Variants in VIPAS39 observed in about 807,000 individuals in gnomAD.
The protein encoded by VIPAS39 is spermatogenesis-defective protein 39 homolog.
VIPAS39 carries 63 observed loss-of-function variants against 84.7 expected under a neutral mutation model. The ratio of observed to expected loss-of-function variants is 0.74; its 90% CI spans 0.61 to 0.92. The LOEUF is 0.92. Among genes scored for constraint, VIPAS39 ranks in the 40% least tolerant of loss-of-function variants. The probability of loss-of-function intolerance (pLI) is 0.00; values close to 1 mark genes in which losing one functional copy is unlikely to be tolerated. For missense variants in VIPAS39, 499 were observed against 604.5 expected (o/e 0.83, Z 1.83); for synonymous variants, 192 against 216.5 (o/e 0.89, Z 0.99).
At chr14:77,434,597 A>G (rs1254366795) in intron 14 of VIPAS39, among the ~76,000 whole-genome samples, 3 of 152,014 alleles carry the variant, frequency 2.0e-5, no homozygotes, top group Admixed American at 2.0e-4. Context: ...AAAATTTAGA[A>G]AGAAAAAAAG....
chr14:77,433,725 T>C, intron 16 of VIPAS39, 117 bp downstream of exon 16: 1 of 996,434 alleles, frequency 1.0e-6, no homozygotes, highest in Non-Finnish European at 1.5e-6. Flanking sequence ...TCTTTAGGTT[T>C]GAAATTTTGG....
intron 11 of VIPAS39, 129 bp from the exon 12 acceptor site, chr14:77,438,010 C>T (rs939531921): frequency 1.4e-5 from 12 of 865,542 alleles, no homozygotes; most frequent in African/African-American, 1.0e-4. Flanking sequence ...TTATTGGAGG[C>T]GGGTGGGGGG....
chr14:77,437,568 C>T (rs1188540455), intron 12 of VIPAS39, among the ~76,000 whole-genome samples: 1 of 151,964 alleles, frequency 6.6e-6, no homozygotes, highest in Non-Finnish European at 1.5e-5. Flanking sequence ...ATAAATTTAG[C>T]TTTAGGAAAA....
chr14:77,435,627 G>A (rs1013845180), intron 13 of VIPAS39, among the ~76,000 whole-genome samples: 1 of 152,058 alleles, frequency 6.6e-6, no homozygotes, highest in African/African-American at 2.4e-5. Flanking sequence ...TGGGAGATTC[G>A]GGATGAAGAA....
chr14:77,447,000 T>C (rs977392098), intron 7 of VIPAS39, among the ~76,000 whole-genome samples: 3 of 149,898 alleles, frequency 2.0e-5, no homozygotes, highest in Admixed American at 6.7e-5. Flanking sequence ...ATATTTATAA[T>C]TATAAATTAT....
chr14:77,435,982 A>C, intron 12 of VIPAS39, 63 bp from the exon 13 acceptor site: 1 of 1,547,954 alleles, frequency 6.5e-7, no homozygotes, highest in Non-Finnish European at 8.9e-7. Flanking sequence ...ACCCAACTAA[A>C]CCAAATCGCC....
At chr14:77,429,116 G>A (rs368627684) in intron 17 of VIPAS39, 21 bp from the exon 18 acceptor site, 67 of 1,601,870 alleles carry the variant, frequency 4.2e-5, no homozygotes, top group Non-Finnish European at 5.4e-5. Flanking sequence ...AGGTACTTCC[G>A]ATTAATGATT....
intron 14 of VIPAS39, among the ~76,000 whole-genome samples, 190 bp from the exon 15 acceptor site, chr14:77,434,493 C>G (rs1487213437): frequency 6.6e-6 from 1 of 152,138 alleles, no homozygotes; most frequent in East Asian, 1.9e-4. Flanking sequence ...TTATCAAGAA[C>G]TGGAGTAATA....
intron 11 of VIPAS39, among the ~76,000 whole-genome samples, chr14:77,438,554 T>C (rs2078652230): frequency 6.6e-6 from 1 of 152,236 alleles, no homozygotes; most frequent in South Asian, 2.1e-4. Context: ...TCTATCATTG[T>C]AGAAAGTTCT....
intron 14 of VIPAS39, 115 bp downstream of exon 14, chr14:77,435,144 G>A (rs554655927): frequency 6.5e-7 from 1 of 1,532,206 alleles, no homozygotes; most frequent in Admixed American, 1.7e-5. Flanking sequence ...CTTCCAGGTG[G>A]ATTTCTGAGA....
At chr14:77,433,563 T>C (rs1374433326) in intron 16 of VIPAS39, among the ~76,000 whole-genome samples, 1 of 152,126 alleles carries the variant, frequency 6.6e-6, no homozygotes, top group African/African-American at 2.4e-5. Flanking sequence ...TACTTTCAAA[T>C]GATTCAGAAA....
At position 77,427,523 on chromosome 14, in the gene VIPAS39, T is replaced by C; in HGVS notation, c.*93A>G. The C allele has an allele frequency of 6.5e-7, 1 of 1,535,374 alleles. No individual in the cohort carries two copies. The highest frequency in any genetic ancestry group is 1.1e-5 in the South Asian group (1 of 89,428). On this transcript the variant is annotated 3_prime_UTR_variant, in exon 20 of 20. Transcript: ENST00000557658. ...GCCCATGGGTAATGGGCCCAAGCGA[T>C]GTGATGCCGCAGCTCTCCCAAAGAA...
intron 11 of VIPAS39, 63 bp from the exon 12 acceptor site, chr14:77,437,944 T>TA: frequency 6.6e-7 from 1 of 1,516,262 alleles, no homozygotes; most frequent in Admixed American, 1.7e-5. Flanking sequence ...GATAGCTGAT[T>TA]AACTGAACTT....
intron 16 of VIPAS39, among the ~76,000 whole-genome samples, chr14:77,430,585 C>T (rs2078505991): frequency 6.6e-6 from 1 of 151,864 alleles, no homozygotes. Flanking sequence ...GGCAGGGTGG[C>T]GCATGCCTTT....
In VIPAS39 at chr14:77,457,158, C is replaced by G; in HGVS notation, c.-1+337G>C. Reference sequence around the variant, plus strand: ...GGAAGATACAGGTGAGGCTTGTGAACTGAGACCAGGGAACAAGAGTTAAGC... The same window carrying G: ...GGAAGATACAGGTGAGGCTTGTGAAGTGAGACCAGGGAACAAGAGTTAAGC... On this transcript the variant is annotated intron_variant, in intron 1 of 19. Transcript: ENST00000557658. 3 of 1,443,160 alleles carry G rather than the reference C, an allele frequency of 2.1e-6. No individual in the cohort carries two copies. The South Asian group carries it at 4.3e-5, about 21-fold the overall frequency. 89.4% of individuals were successfully genotyped at this position (1,443,160 alleles called of 1,614,324 possible). A position where few individuals can be genotyped will look rare whatever the true frequency, so the allele number is the denominator to read the frequency against.
chr14:77,457,383 G>C lies in VIPAS39; in HGVS notation c.-1+112C>G, dbSNP rs1017728831. On this transcript the variant is annotated intron_variant, in intron 1 of 19. Transcript: ENST00000557658. Reference sequence around the variant, plus strand: ...CGCCCTGACTGAAAGAAGAGAATCAGGCCTGTAGTCATAGGGTGTAGGGAT... The same window carrying C: ...CGCCCTGACTGAAAGAAGAGAATCACGCCTGTAGTCATAGGGTGTAGGGAT... The C allele has an allele frequency of 6.5e-6, 10 of 1,535,542 alleles. No homozygotes were observed. In the African/African-American group the frequency reaches 1.2e-4, roughly 19 times the overall value.
At chr14:77,438,751 T>C (rs1481890594) in intron 11 of VIPAS39, among the ~76,000 whole-genome samples, 3 of 152,222 alleles carry the variant, frequency 2.0e-5, no homozygotes, top group Non-Finnish European at 4.4e-5. Flanking sequence ...ATGTACATGA[T>C]CAATGGTAGT....
At chr14:77,438,392 C>T (rs2078649284) in intron 11 of VIPAS39, among the ~76,000 whole-genome samples, 1 of 152,156 alleles carries the variant, frequency 6.6e-6, no homozygotes, top group Non-Finnish European at 1.5e-5. Flanking sequence ...CCATGCCTGG[C>T]TAATTTTTGT....
rs1159868395 is a variant in VIPAS39 at position 77,434,277 on chromosome 14, C to A, written c.1074G>T (p.Leu358=). The A allele has an allele frequency of 1.2e-6, 2 of 1,613,994 alleles. No homozygotes were observed. The highest frequency in any genetic ancestry group is 1.7e-6 in the Non-Finnish European group (2 of 1,180,008). Residue 358 remains leucine, a synonymous_variant, in exon 15 of 20, where the codon CTG becomes CTT. Coordinates refer to ENST00000557658, the MANE Select transcript of VIPAS39 (RefSeq NM_001193315.2). ...TTGTATCTACCTTAAATGTCTTCTTCAGGTTGACGGGACTGCTGAATGTCC... is the reference window on the plus strand; with the variant it reads ...TTGTATCTACCTTAAATGTCTTCTTAAGGTTGACGGGACTGCTGAATGTCC... ...AEGTFSSPVN[L]KKTFKIPDKQ...
Sources: gnomAD v4.1 joint callset for allele counts (sites outside exome capture counted in the v4.1 genomes callset) on GRCh38, gnomAD v4.1.1 for gene constraint, MANE v1.5 for transcripts, NCBI Gene and HGNC (gene_info 2026-07-23, HGNC 2026-07-21) for gene names.